Variants in LMO1 observed in about 807,000 individuals in gnomAD.
LMO1 encodes LIM domain only 1, also known as rhombotin-1.
In LMO1, 10 loss-of-function variants were observed where a neutral mutation model predicts 18.0. The ratio of observed to expected loss-of-function variants is 0.55; its 90% CI spans 0.34 to 0.94. The LOEUF (loss-of-function observed/expected upper bound fraction) is 0.94, where lower values mean the gene tolerates loss of function less well. Among genes scored for constraint, LMO1 ranks in the 40% least tolerant of loss-of-function variants. LMO1 has a pLI of 0.02. For missense variants in LMO1, 183 were observed against 205.7 expected (o/e 0.89, Z 0.68); for synonymous variants, 77 against 77.9 (o/e 0.99, Z 0.06).
chr11:8,253,783 T>C (rs1266713314), intron 1 of LMO1, among the ~76,000 whole-genome samples: 1 of 152,054 alleles, frequency 6.6e-6, no homozygotes, highest in Admixed American at 6.5e-5. Context: ...TTAAAACTCC[T>C]TTCTGGGGTA....
chr11:8,249,260 C>G (rs440718), intron 1 of LMO1, among the ~76,000 whole-genome samples: 149,608 of 152,260 alleles, frequency 0.98, 73,565 homozygotes, highest in East Asian at 1. Context: ...GAGCTCTGGA[C>G]GAAACTGAAG....
chr11:8,226,843 C>T lies in LMO1; in HGVS notation c.365+132G>A. On this transcript the variant is annotated intron_variant, in intron 3 of 3. Transcript: ENST00000335790. Reference sequence around the variant, plus strand: ...ACATAAAGCACATGCACGCTCATAACCTGCACGCACCACCACATACACACA... The same window carrying T: ...ACATAAAGCACATGCACGCTCATAATCTGCACGCACCACCACATACACACA... 2.8e-6 allele frequency: 4 copies of T among 1,420,796 alleles called. No individual in the cohort carries two copies. The South Asian group carries it at 4.6e-5, about 16-fold the overall frequency. 88.0% of individuals were successfully genotyped at this position (1,420,796 alleles called of 1,614,324 possible). A position where few individuals can be genotyped will look rare whatever the true frequency, so the allele number is the denominator to read the frequency against.
intron 1 of LMO1, among the ~76,000 whole-genome samples, chr11:8,263,015 A>G (rs1033895061): frequency 6.6e-6 from 1 of 151,980 alleles, no homozygotes; most frequent in Non-Finnish European, 1.5e-5. Flanking sequence ...CGGCGCGGAG[A>G]TCGCAAGGGA....
Position 8,263,519 on chromosome 11 carries a change from C to T in LMO1, c.-157G>A, listed in dbSNP as rs1847226479. 1 of 1,401,764 alleles carries T rather than the reference C, an allele frequency of 7.1e-7. No homozygotes were observed. Among genetic ancestry groups the T allele is most frequent in the African/African-American group, 1.5e-5 (1 of 66,708 alleles). 86.8% of individuals were successfully genotyped at this position (1,401,764 alleles called of 1,614,324 possible). ...CCTAGATTGCACTCAGCTAGAATTA[C>T]ATTCAGGAGTGAAGCACTTCGCAGA... On this transcript the variant is annotated 5_prime_UTR_variant, in exon 1 of 4. It removes an upstream start codon present in the reference 5' UTR. Coordinates refer to ENST00000335790, the MANE Select transcript of LMO1 (RefSeq NM_002315.3).
At chr11:8,257,592 AGATGCT>A (rs1847118957) in intron 1 of LMO1, among the ~76,000 whole-genome samples, 2 of 152,262 alleles carry the variant, frequency 1.3e-5, no homozygotes, top group Non-Finnish European at 2.9e-5. Context: ...CATGGCAAAA[AGATGCT>A]GATGCTCTAG....
At position 8,263,789 on chromosome 11, in the gene LMO1, G is replaced by A; in HGVS notation, c.-427C>T. ...CAGCCTCATAAAGTGTTTTCCCCTC[G>A]GATTTAATCTGAATCTCAATCTAAA... On this transcript the variant is annotated 5_prime_UTR_variant, in exon 1 of 4. Transcript: ENST00000335790. 1 of 1,071,214 alleles carries A rather than the reference G, an allele frequency of 9.3e-7. No homozygotes were observed. Among genetic ancestry groups the A allele is most frequent in the Non-Finnish European group, 1.1e-6 (1 of 884,268 alleles). The allele number at this position is 1,071,214 out of a possible 1,614,324, so 66.4% of individuals were successfully genotyped here. A position where few individuals can be genotyped will look rare whatever the true frequency, so the allele number is the denominator to read the frequency against.
chr11:8,230,299 G>C lies in LMO1; in HGVS notation c.231C>G (p.Asp77Glu). ...AGGGTTTGGCAGCCCACCTCAGGTA[G>C]TCGCGTCGGCACAGGATGAGGTTGG... is the stretch of plus-strand genomic sequence containing the variant. The part of the protein sequence containing the change: ...TKANLILCRR[D>E]YLRLFGTTGN... The change falls in exon 2 of 4, where the codon GAC (aspartate) becomes GAG (glutamate). Residue 77 changes from aspartate (D) to glutamate (E), a missense_variant. Transcript: ENST00000335790. 6.2e-7 allele frequency: 1 copy of C among 1,613,560 alleles called. No individual in the cohort carries two copies. The highest frequency in any genetic ancestry group is 8.5e-7 in the Non-Finnish European group (1 of 1,179,862).
intron 1 of LMO1, among the ~76,000 whole-genome samples, chr11:8,238,056 T>C (rs997653563): frequency 6.6e-5 from 10 of 152,262 alleles, no homozygotes; most frequent in African/African-American, 2.2e-4. Context: ...ATTATATTCC[T>C]AGGTATATGC....
chr11:8,231,941 C>A (rs905975087), intron 1 of LMO1, among the ~76,000 whole-genome samples: 3 of 152,122 alleles, frequency 2.0e-5, no homozygotes, highest in Non-Finnish European at 4.4e-5. Flanking sequence ...TCAGAAGAGC[C>A]CTCAGAGTTC....
chr11:8,262,361 T>C (rs1049304321), intron 1 of LMO1, among the ~76,000 whole-genome samples: 1 of 152,204 alleles, frequency 6.6e-6, no homozygotes, highest in African/African-American at 2.4e-5. Context: ...CAGGAGGTCC[T>C]GGGACAGCCA....
intron 1 of LMO1, among the ~76,000 whole-genome samples, chr11:8,257,087 C>A (rs1183671506): frequency 6.6e-6 from 1 of 152,186 alleles, no homozygotes; most frequent in Non-Finnish European, 1.5e-5. Context: ...ATCCATGGTA[C>A]AAATACTCCC....
At chr11:8,233,757 C>T (rs1461325508) in intron 1 of LMO1, among the ~76,000 whole-genome samples, 1 of 151,638 alleles carries the variant, frequency 6.6e-6, no homozygotes, top group Non-Finnish European at 1.5e-5. Context: ...TCCCTCCCTC[C>T]TTCCCCAGCC....
chr11:8,229,128 C>T (rs1452003927), intron 2 of LMO1, among the ~76,000 whole-genome samples: 9 of 151,826 alleles, frequency 5.9e-5, no homozygotes, highest in African/African-American at 9.7e-5. Flanking sequence ...GCTGGAGTGA[C>T]GTGCCTGCCT....
At chr11:8,244,842 C>A (rs1456540074) in intron 1 of LMO1, among the ~76,000 whole-genome samples, 1 of 152,160 alleles carries the variant, frequency 6.6e-6, no homozygotes, top group Non-Finnish European at 1.5e-5. Flanking sequence ...ACTGGGCCTT[C>A]CCAGGGGACT....
upstream of LMO1, among the ~76,000 whole-genome samples, chr11:8,266,540 CT>C (rs900277251): frequency 6.6e-6 from 1 of 152,204 alleles, no homozygotes; most frequent in African/African-American, 2.4e-5. Context: ...CCAAAATGCC[CT>C]CGAAATGCCT....
At chr11:8,232,933 G>T (rs559561300) in intron 1 of LMO1, among the ~76,000 whole-genome samples, 1 of 152,154 alleles carries the variant, frequency 6.6e-6, no homozygotes, top group African/African-American at 2.4e-5. Context: ...CCTGGCTCCC[G>T]CAGGGTTGTA....
At position 8,230,303 on chromosome 11, in the gene LMO1, C is replaced by T. The variant is rs755471523; in HGVS notation, c.227G>A (p.Arg76His). The change falls in exon 2 of 4, where the codon CGC (arginine) becomes CAC (histidine). Residue 76 changes from arginine (R) to histidine (H), a missense_variant. Coordinates refer to ENST00000335790, the MANE Select transcript of LMO1 (RefSeq NM_002315.3). ...TTTGGCAGCCCACCTCAGGTAGTCG[C>T]GTCGGCACAGGATGAGGTTGGCCTT... ...YTKANLILCR[R>H]DYLRLFGTTG... 1.7e-5 allele frequency: 28 copies of T among 1,613,474 alleles called. No individual in the cohort carries two copies. The highest frequency in any genetic ancestry group is 5.3e-5 in the African/African-American group (4 of 74,924).
intron 1 of LMO1, among the ~76,000 whole-genome samples, chr11:8,256,378 CA>C (rs892814213): frequency 2.0e-5 from 3 of 152,150 alleles, no homozygotes; most frequent in Non-Finnish European, 4.4e-5. Context: ...TCAGCTGGGA[CA>C]AAACCCAGGT....
intron 1 of LMO1, among the ~76,000 whole-genome samples, chr11:8,254,076 C>A (rs576950964): frequency 6.6e-6 from 1 of 151,860 alleles, no homozygotes; most frequent in African/African-American, 2.4e-5. Flanking sequence ...CAGAACATAG[C>A]GGCGTATGAG....
Sources: allele counts gnomAD v4.1 joint callset (sites outside exome capture counted in the v4.1 genomes callset), GRCh38; gene constraint gnomAD v4.1.1; transcripts MANE v1.5; gene names NCBI Gene and HGNC (gene_info 2026-07-23, HGNC 2026-07-21).